SSPN: variants seen among roughly 807,000 people sequenced by gnomAD.
SSPN encodes sarcospan.
In SSPN, 15 loss-of-function variants were observed where a neutral mutation model predicts 19.1. That is an observed-to-expected ratio of 0.78 (90% confidence interval 0.52 to 1.21). SSPN has a LOEUF of 1.21. Among genes scored for constraint, SSPN ranks in the 50% most tolerant of loss-of-function variants. The pLI, the probability that SSPN is intolerant of heterozygous loss-of-function variation, is 0.00. For missense variants in SSPN, 291 were observed against 314.0 expected (o/e 0.93, Z 0.55); for synonymous variants, 147 against 140.3 (o/e 1.05, Z -0.34).
chr12:26,209,259 T>C (rs539607799), intron 1 of SSPN, among the ~76,000 whole-genome samples: 1 of 152,308 alleles, frequency 6.6e-6, no homozygotes, highest in South Asian at 2.1e-4. Context: ...GTGTTTTTCA[T>C]ATCAATTATT....
intron 1 of SSPN, among the ~76,000 whole-genome samples, chr12:26,170,297 C>T (rs1002735389): frequency 3.3e-5 from 5 of 152,166 alleles, no homozygotes; most frequent in Non-Finnish European, 5.9e-5. Flanking sequence ...GGATTGACTA[C>T]AATAAATTAT....
intron 1 of SSPN, among the ~76,000 whole-genome samples, chr12:26,158,565 CCCT>C (rs1944569286): frequency 1.3e-5 from 2 of 152,200 alleles, no homozygotes; most frequent in Non-Finnish European, 2.9e-5. Flanking sequence ...TGCAGGAAGT[CCCT>C]CTGATTTTGC....
intron 1 of SSPN, among the ~76,000 whole-genome samples, chr12:26,203,173 G>T (rs779021739): frequency 6.6e-6 from 1 of 152,208 alleles, no homozygotes; most frequent in Non-Finnish European, 1.5e-5. Context: ...ATTCAAGAGA[G>T]ATTTGGGTGG....
chr12:26,213,098 T>C (rs1185747835), intron 1 of SSPN, among the ~76,000 whole-genome samples: 1 of 150,730 alleles, frequency 6.6e-6, no homozygotes, highest in Admixed American at 6.6e-5. Flanking sequence ...GGATCTCATA[T>C]GGCCAGAAAA....
chr12:26,124,434 T>C lies in SSPN; in HGVS notation c.-31+2282T>C, dbSNP rs1944344202. The C allele has an allele frequency of 4.2e-6, 6 of 1,437,694 alleles. No homozygotes were observed. In the South Asian group the frequency reaches 4.6e-5, roughly 11 times the overall value. The allele number at this position is 1,437,694 out of a possible 1,614,324, so 89.1% of individuals were successfully genotyped here. A position where few individuals can be genotyped will look rare whatever the true frequency, so the allele number is the denominator to read the frequency against. ...GGGAAGCTCAGGGGCTGGAATATAT[T>C]TGCGGGCAGAGCTTCACTGTGAAAT... On this transcript the variant is annotated intron_variant, in intron 1 of 2. Transcript: ENST00000538142.
At chr12:26,154,458 G>A (rs1591852475) in intron 1 of SSPN, among the ~76,000 whole-genome samples, 1 of 152,166 alleles carries the variant, frequency 6.6e-6, no homozygotes, top group Non-Finnish European at 1.5e-5. Flanking sequence ...GTGAAACTCT[G>A]TAGAGTTTCA....
intron 1 of SSPN, among the ~76,000 whole-genome samples, chr12:26,155,272 G>T (rs1005387964): frequency 6.6e-6 from 1 of 152,082 alleles, no homozygotes; most frequent in African/African-American, 2.4e-5. Context: ...AGACTAATCA[G>T]GGAAAGGTGA....
At chr12:26,171,335 T>A (rs1298325412) in intron 1 of SSPN, among the ~76,000 whole-genome samples, 1 of 152,254 alleles carries the variant, frequency 6.6e-6, no homozygotes, top group African/African-American at 2.4e-5. Flanking sequence ...TTCTAGTTAC[T>A]TCAAACTTCA....
upstream of SSPN, among the ~76,000 whole-genome samples, chr12:26,191,299 A>G (rs1944786089): frequency 6.6e-6 from 1 of 152,220 alleles, no homozygotes; most frequent in South Asian, 2.1e-4. Context: ...AATGATTGAA[A>G]TTTATCACCT....
chr12:26,153,579 T>A (rs1049757307), intron 1 of SSPN, among the ~76,000 whole-genome samples: 1 of 152,186 alleles, frequency 6.6e-6, no homozygotes, highest in Non-Finnish European at 1.5e-5. Context: ...AAATGAATAA[T>A]GAATAAACAG....
intron 1 of SSPN, among the ~76,000 whole-genome samples, chr12:26,135,345 G>A (rs553055373): frequency 8.5e-5 from 13 of 152,288 alleles, no homozygotes; most frequent in South Asian, 4.1e-4. Flanking sequence ...GGATGTAGGA[G>A]TCAAGCCTCA....
intron 1 of SSPN, among the ~76,000 whole-genome samples, chr12:26,174,799 G>T (rs1233145898): frequency 6.6e-6 from 1 of 152,128 alleles, no homozygotes; most frequent in African/African-American, 2.4e-5. Flanking sequence ...GGGATTACAG[G>T]CGTGAGCCAC....
At chr12:26,158,305 T>G (rs1375972739) in intron 1 of SSPN, among the ~76,000 whole-genome samples, 1 of 152,096 alleles carries the variant, frequency 6.6e-6, no homozygotes, top group African/African-American at 2.4e-5. Flanking sequence ...CCTCCTCCCT[T>G]CTTTCCTTTT....
chr12:26,195,804 C>G lies in SSPN; in HGVS notation c.132C>G (p.Pro44=). 6.5e-7 allele frequency: 1 copy of G among 1,534,662 alleles called. No individual in the cohort carries two copies. The highest frequency in any genetic ancestry group is 2.0e-5 in the Admixed American group (1 of 49,662). ...CCAAGGAGTGCGGGGAGGAGGAGCC[C>G]CGGACCTGCTGCGGCTGCCGGTTCC... ...GAPKECGEEE[P]RTCCGCRFPL... Residue 44 remains proline, a synonymous_variant, in exon 1 of 3, where the codon CCC becomes CCG. Transcript: ENST00000242729.
intron 1 of SSPN, chr12:26,123,602 G>T: frequency 6.6e-7 from 1 of 1,522,312 alleles, no homozygotes; most frequent in Non-Finnish European, 9.1e-7. Flanking sequence ...CTTCATCAGG[G>T]TAGGCTGGCC....
At chr12:26,200,977 A>T (rs1237233400) in intron 1 of SSPN, among the ~76,000 whole-genome samples, 1 of 141,226 alleles carries the variant, frequency 7.1e-6, no homozygotes, top group Admixed American at 7.5e-5. Flanking sequence ...AATGGAATGC[A>T]ATTGAATTAT....
intron 1 of SSPN, among the ~76,000 whole-genome samples, chr12:26,181,899 CCTTCCACTCATACAGT>C (rs1485222186): frequency 6.6e-6 from 1 of 152,164 alleles, no homozygotes; most frequent in Non-Finnish European, 1.5e-5. Context: ...CTTTGGAAGA[CCTTCCACTCATACAGT>C]CTTGCTATTT....
upstream of SSPN, among the ~76,000 whole-genome samples, chr12:26,190,505 C>T (rs1042761662): frequency 6.6e-6 from 1 of 152,190 alleles, no homozygotes; most frequent in African/African-American, 2.4e-5. Context: ...CGAGAGATAA[C>T]AGGAAGAAAC....
chr12:26,144,890 C>A (rs1944480893), intron 1 of SSPN, among the ~76,000 whole-genome samples: 1 of 152,168 alleles, frequency 6.6e-6, no homozygotes, highest in Non-Finnish European at 1.5e-5. Context: ...ATGAGTTGGT[C>A]ACTTTCCTCC....
Sources: allele counts gnomAD v4.1 joint callset (sites outside exome capture counted in the v4.1 genomes callset), GRCh38; gene constraint gnomAD v4.1.1; transcripts MANE v1.5; gene names NCBI Gene and HGNC (gene_info 2026-07-23, HGNC 2026-07-21).